GDAP1: variants seen among roughly 807,000 people sequenced by gnomAD.
The protein encoded by GDAP1 is ganglioside induced differentiation associated protein 1.
Under a neutral mutation model 40.1 loss-of-function variants are expected in GDAP1, and 34 were observed. The ratio of observed to expected loss-of-function variants is 0.85; its 90% confidence interval spans 0.64 to 1.13. The LOEUF (loss-of-function observed/expected upper bound fraction) is 1.13. GDAP1 is among the 50% of genes most tolerant of loss of function. The pLI, the probability that GDAP1 is intolerant of heterozygous loss-of-function variation, is 0.00. For missense variants in GDAP1, 374 were observed against 433.7 expected, an observed-to-expected ratio of 0.86 and a Z score of 1.22; for synonymous variants, 170 against 157.4, an observed-to-expected ratio of 1.08 and a Z score of -0.60.
intron 2 of GDAP1, among the ~76,000 whole-genome samples, chr8:74,488,137 C>G (rs117492026): frequency 0.036 from 5,441 of 152,216 alleles, 156 homozygotes; most frequent in Admixed American, 0.055. Context: ...ATTAGAGGAA[C>G]AAGCATTAAA....
At chr8:74,374,004 A>G (rs1809803816) in intron 2 of GDAP1, among the ~76,000 whole-genome samples, 1 of 152,212 alleles carries the variant, frequency 6.6e-6, no homozygotes, top group African/African-American at 2.4e-5. Flanking sequence ...TTCTGCATCT[A>G]CTGAGATAAC....
intron 2 of GDAP1, among the ~76,000 whole-genome samples, chr8:74,386,814 T>A (rs1041087800): frequency 2.0e-5 from 3 of 152,268 alleles, no homozygotes; most frequent in African/African-American, 7.2e-5. Flanking sequence ...TTCGTATCCA[T>A]GAGCATGGAA....
rs10957721 is a variant in GDAP1, at chr8:74,460,952, G to T, written c.166-27726G>T. ...TTCTCTTCCCACTTTCTTGGAGTTG[G>T]TCTACATTCCTGAAGGCTTTGTCCT... On this transcript the variant is annotated intron_variant, in intron 2 of 2. Transcript: ENST00000523640. Among the ~76,000 whole-genome samples, 85 of 152,246 alleles carry T rather than the reference G, an allele frequency of 5.6e-4. No homozygotes were observed. In the South Asian group the frequency reaches 0.017, roughly 31 times the overall value.
At chr8:74,361,749 G>C in intron 3 of GDAP1, 135 bp from the exon 4 acceptor site, 1 of 690,022 alleles carries the variant, frequency 1.4e-6, no homozygotes, top group Non-Finnish European at 2.6e-6. Flanking sequence ...GCATAGACAG[G>C]GTAAGCCCAA....
rs1387215710 is a variant in GDAP1, at chr8:74,363,047, AC to A, written c.692del (p.Pro231GlnfsTer28). ...TGAATTGCAAAGAAGAAATGAAGAA[AC>A]CCCAGGTAGGTTCTCATTTATATTC... ...ETELQRRNEE[T>X]PEEGQQPWLC... On this transcript the variant is annotated frameshift_variant, in exon 5 of 6. Coordinates refer to ENST00000220822, the MANE Select transcript of GDAP1 (RefSeq NM_018972.4). LOFTEE classifies it high-confidence loss of function. 2.2e-6 allele frequency: 3 copies of A among 1,373,954 alleles called. No homozygotes were observed. The highest frequency in any genetic ancestry group is 1.4e-5 in the African/African-American group (1 of 70,226). The allele number at this position is 1,373,954 out of a possible 1,614,324, so 85.1% of individuals were successfully genotyped here.
chr8:74,372,014 T>C (rs1809763062), intron 2 of GDAP1, among the ~76,000 whole-genome samples: 1 of 149,522 alleles, frequency 6.7e-6, no homozygotes, highest in Non-Finnish European at 1.5e-5. Context: ...TGAGAACATG[T>C]GGTGTTTGGT....
chr8:74,366,178 G>T lies in GDAP1; in HGVS notation c.*1811G>T, dbSNP rs763036938. 6.6e-6 allele frequency: 3 copies of T among 453,832 alleles called. No individual in the cohort carries two copies. Among genetic ancestry groups the T allele is most frequent in the Non-Finnish European group, 1.3e-5 (3 of 226,664 alleles). The allele number at this position is 453,832 out of a possible 1,614,324, so 28.1% of individuals were successfully genotyped here. On this transcript the variant is annotated 3_prime_UTR_variant, in exon 6 of 6. Coordinates refer to ENST00000220822, the MANE Select transcript of GDAP1 (RefSeq NM_018972.4). ...TCTAGAATGTGTTTATAATTTCCTTGTACAGTTTCTTTGGAAATACGTTAA... is the reference window on the plus strand; with the variant it reads ...TCTAGAATGTGTTTATAATTTCCTTTTACAGTTTCTTTGGAAATACGTTAA...
At chr8:74,363,833 C>T in intron 5 of GDAP1, 152 bp from the exon 6 acceptor site, 1 of 680,708 alleles carries the variant, frequency 1.5e-6, no homozygotes, top group Non-Finnish European at 2.6e-6. Context: ...TGAAATTATT[C>T]TCTGAGTGTG....
chr8:74,398,154 G>A (rs1016270889), intron 2 of GDAP1, among the ~76,000 whole-genome samples: 1 of 151,926 alleles, frequency 6.6e-6, no homozygotes, highest in African/African-American at 2.4e-5. Context: ...TTGGCTCTCT[G>A]TTTGTCTGTT....
intron 2 of GDAP1, among the ~76,000 whole-genome samples, chr8:74,485,549 C>T (rs902357746): frequency 1.3e-5 from 2 of 151,974 alleles, no homozygotes; most frequent in African/African-American, 2.4e-5. Flanking sequence ...ATACAAGATC[C>T]GATATAATCA....
chr8:74,418,666 A>G (rs1805815548), intron 2 of GDAP1, among the ~76,000 whole-genome samples: 1 of 152,218 alleles, frequency 6.6e-6, no homozygotes, highest in Non-Finnish European at 1.5e-5. Flanking sequence ...GGAAATCTTG[A>G]TAGAATGGAC....
At chr8:74,385,745 T>G (rs1041937408) in intron 2 of GDAP1, among the ~76,000 whole-genome samples, 9 of 152,164 alleles carry the variant, frequency 5.9e-5, no homozygotes, top group Admixed American at 3.3e-4. Context: ...TGGTTGTAGA[T>G]CCTTAAGGAA....
At chr8:74,448,731 C>A (rs1344793772) in intron 2 of GDAP1, among the ~76,000 whole-genome samples, 1 of 152,036 alleles carries the variant, frequency 6.6e-6, no homozygotes, top group Non-Finnish European at 1.5e-5. Flanking sequence ...TTGAATGTCA[C>A]ATACAATGTG....
chr8:74,413,912 A>G (rs1805746182), intron 2 of GDAP1, among the ~76,000 whole-genome samples: 1 of 149,502 alleles, frequency 6.7e-6, no homozygotes, highest in Non-Finnish European at 1.5e-5. Context: ...TGAGAAAGTG[A>G]CTCTTCAAGT....
intron 2 of GDAP1, among the ~76,000 whole-genome samples, chr8:74,483,294 A>G (rs1430427317): frequency 1.3e-5 from 2 of 152,178 alleles, no homozygotes; most frequent in Admixed American, 6.5e-5. Flanking sequence ...CAATAACAGT[A>G]GGCAGCATAT....
intron 2 of GDAP1, among the ~76,000 whole-genome samples, chr8:74,471,724 G>A (rs969996986): frequency 4.6e-5 from 7 of 151,812 alleles, no homozygotes; most frequent in Non-Finnish European, 7.4e-5. Context: ...TGTCACTGTC[G>A]GTCAGTTTAC....
chr8:74,416,848 A>G (rs373811742), intron 2 of GDAP1, among the ~76,000 whole-genome samples: 3 of 149,888 alleles, frequency 2.0e-5, no homozygotes, highest in African/African-American at 5.1e-5. Flanking sequence ...ACCCTGTGGA[A>G]CAAAAGAATT....
In GDAP1 at chr8:74,398,908, C is replaced by T. The variant is rs542374103; in HGVS notation, c.165+47587C>T. On this transcript the variant is annotated intron_variant, in intron 2 of 2. Transcript: ENST00000523640. Reference sequence around the variant, plus strand: ...ATCGCAGGGATGAAGCCCACTTGATCATGGTGGATAAGCTTTTTGATGTGC... The same window carrying T: ...ATCGCAGGGATGAAGCCCACTTGATTATGGTGGATAAGCTTTTTGATGTGC... Among the ~76,000 whole-genome samples, 84 of 152,226 alleles carry T rather than the reference C, an allele frequency of 5.5e-4. 1 individual carries two copies. The East Asian group carries it at 0.015, about 28-fold the overall frequency.
At chr8:74,351,842 CAA>C (rs1175514547) in intron 2 of GDAP1, among the ~76,000 whole-genome samples, 1 of 151,944 alleles carries the variant, frequency 6.6e-6, no homozygotes, top group African/African-American at 2.4e-5. Flanking sequence ...ACCTTAAAAA[CAA>C]GAGGGAAAAA....
Sources: gnomAD v4.1 joint callset for allele counts (sites outside exome capture counted in the v4.1 genomes callset) on GRCh38, gnomAD v4.1.1 for gene constraint, MANE v1.5 for transcripts, NCBI Gene and HGNC (gene_info 2026-07-23, HGNC 2026-07-21) for gene names.